Variants in RFTN2 observed in about 807,000 individuals in gnomAD.
RFTN2 encodes the protein raftlin family member 2, also known as raftlin-2.
A neutral mutation model predicts 52.7 loss-of-function variants in RFTN2; 34 were observed. The ratio of observed to expected loss-of-function variants is 0.64; its 90% confidence interval spans 0.49 to 0.86. RFTN2 has a LOEUF of 0.86. RFTN2 is among the 40% of genes least tolerant of loss of function. The pLI, the probability that RFTN2 is intolerant of heterozygous loss-of-function variation, is 0.00. For synonymous variants in RFTN2, 203 were observed against 217.7 expected, an observed-to-expected ratio of 0.93 and a Z score of 0.59; for missense variants, 536 against 600.1, an observed-to-expected ratio of 0.89 and a Z score of 1.12.
intron 8 of RFTN2, among the ~76,000 whole-genome samples, chr2:197,582,717 T>C (rs1328024923): frequency 6.6e-6 from 1 of 152,216 alleles, no homozygotes; most frequent in Non-Finnish European, 1.5e-5. Flanking sequence ...GTTTCTTCAC[T>C]ACACAATGGT....
intron 8 of RFTN2, among the ~76,000 whole-genome samples, chr2:197,581,579 T>C (rs1208043534): frequency 6.6e-6 from 1 of 152,190 alleles, no homozygotes; most frequent in African/African-American, 2.4e-5. Context: ...CCTTCTACTT[T>C]GTAGCCCCTC....
At chr2:197,644,104 A>T in intron 3 of RFTN2, 54 bp downstream of exon 3, 1 of 1,004,784 alleles carries the variant, frequency 1.0e-6, no homozygotes, top group Non-Finnish European at 1.6e-6. Flanking sequence ...ATTGATGAAG[A>T]TGAAATACCA....
At chr2:197,609,367 A>T (rs1181230621) in intron 7 of RFTN2, among the ~76,000 whole-genome samples, 1 of 152,134 alleles carries the variant, frequency 6.6e-6, no homozygotes, top group African/African-American at 2.4e-5. Context: ...TTTGATTTGC[A>T]TTTCTATAAT....
At chr2:197,573,369 C>T (rs1329988094) in intron 8 of RFTN2, among the ~76,000 whole-genome samples, 1 of 152,124 alleles carries the variant, frequency 6.6e-6, no homozygotes, top group Non-Finnish European at 1.5e-5. Flanking sequence ...TATGTTTTAG[C>T]AAAGAGACTG....
intron 7 of RFTN2, among the ~76,000 whole-genome samples, chr2:197,599,724 G>A (rs1046357179): frequency 3.9e-5 from 6 of 152,184 alleles, no homozygotes; most frequent in African/African-American, 1.4e-4. Context: ...TGAAACATGT[G>A]GCACAGGGGA....
rs897968561 is a variant in RFTN2 at position 197,571,228 on chromosome 2, G to A, written c.*780C>T. On this transcript the variant is annotated 3_prime_UTR_variant, in exon 9 of 9. Transcript: ENST00000295049. ...GAAGTTGATATTTTTCCTCTTCATAGTATTTGGACTTTAAAATAAAAAAAA... is the reference window on the plus strand; with the variant it reads ...GAAGTTGATATTTTTCCTCTTCATAATATTTGGACTTTAAAATAAAAAAAA... The A allele has an allele frequency of 1.3e-4, 20 of 152,070 alleles. No individual in the cohort carries two copies. The highest frequency in any genetic ancestry group is 9.5e-4 in the East Asian group (5 of 5,242). 9.4% of individuals were successfully genotyped at this position (152,070 alleles called of 1,614,324 possible).
chr2:197,593,018 C>T (rs568453501), intron 8 of RFTN2, among the ~76,000 whole-genome samples: 13 of 152,176 alleles, frequency 8.5e-5, no homozygotes, highest in Non-Finnish European at 1.3e-4. Context: ...CAAGATCCTG[C>T]GGTTTCTTGT....
At chr2:197,580,556 T>C (rs921448955) in intron 8 of RFTN2, among the ~76,000 whole-genome samples, 13 of 152,216 alleles carry the variant, frequency 8.5e-5, no homozygotes, top group Non-Finnish European at 1.6e-4. Flanking sequence ...CTGACTGACT[T>C]CTTCCCAGAT....
chr2:197,628,306 T>C (rs1200004610), intron 5 of RFTN2, among the ~76,000 whole-genome samples: 1 of 152,084 alleles, frequency 6.6e-6, no homozygotes, highest in Non-Finnish European at 1.5e-5. Context: ...TAATGAGACA[T>C]TCCAGAGCTG....
At chr2:197,652,162 G>A (rs1337588406) in intron 1 of RFTN2, among the ~76,000 whole-genome samples, 1 of 152,186 alleles carries the variant, frequency 6.6e-6, no homozygotes, top group Non-Finnish European at 1.5e-5. Flanking sequence ...GTTTTTCCAT[G>A]TGGCATGGCT....
intron 1 of RFTN2, among the ~76,000 whole-genome samples, chr2:197,652,871 G>A (rs930155580): frequency 3.3e-5 from 5 of 152,128 alleles, no homozygotes; most frequent in Admixed American, 3.3e-4. Context: ...TTCACTGAAG[G>A]GGGCAGGGGA....
intron 1 of RFTN2, among the ~76,000 whole-genome samples, chr2:197,669,172 T>G (rs996313277): frequency 6.6e-6 from 1 of 152,226 alleles, no homozygotes; most frequent in Non-Finnish European, 1.5e-5. Context: ...ATTTCATGGT[T>G]ATAGGCAGAT....
Position 197,641,657 on chromosome 2 carries a change from A to G in RFTN2, c.438+2501T>C, listed in dbSNP as rs2088676941. ...TTTAGTTTAAAATTCTGAGAAAAAT[A>G]CTTACAAACTGAATTTTAAAATTAG... On this transcript the variant is annotated intron_variant, in intron 3 of 8. Transcript: ENST00000295049. Among the ~76,000 whole-genome samples, 4 of 152,224 alleles carry G rather than the reference A, an allele frequency of 2.6e-5. No homozygotes were observed. The South Asian group carries it at 8.3e-4, about 32-fold the overall frequency.
intron 8 of RFTN2, among the ~76,000 whole-genome samples, chr2:197,573,301 G>A (rs539292485): frequency 7.9e-5 from 12 of 152,334 alleles, no homozygotes; most frequent in Admixed American, 7.8e-4. Context: ...TCCAGGTTGA[G>A]ATGATTTCAG....
chr2:197,617,507 GTC>G (rs2088164761), intron 6 of RFTN2, among the ~76,000 whole-genome samples: 1 of 151,914 alleles, frequency 6.6e-6, no homozygotes, highest in East Asian at 1.9e-4. Flanking sequence ...GCGAGACCCT[GTC>G]TCTACAAAAA....
chr2:197,587,046 T>G (rs907617269), intron 8 of RFTN2, among the ~76,000 whole-genome samples: 1 of 152,170 alleles, frequency 6.6e-6, no homozygotes, highest in African/African-American at 2.4e-5. Flanking sequence ...ATACCTGTTC[T>G]TCTCCTCTTA....
intron 7 of RFTN2, among the ~76,000 whole-genome samples, chr2:197,604,787 G>A (rs1369129822): frequency 6.6e-6 from 1 of 151,534 alleles, no homozygotes; most frequent in Non-Finnish European, 1.5e-5. Context: ...TTGAGACAGA[G>A]CCTCACTCTG....
Position 197,675,374 on chromosome 2 carries a change from C to T in RFTN2, c.85G>A (p.Glu29Lys). 1 of 1,604,378 alleles carries T rather than the reference C, an allele frequency of 6.2e-7. No individual in the cohort carries two copies. Among genetic ancestry groups the T allele is most frequent in the South Asian group, 1.1e-5 (1 of 89,768 alleles). ...TCGTAAGCAAATTCTGTCTTTGTTT[C>T]CACTTGCGGTCTCTTCAGGGTAGAA... ...IFSTLKRPQV[E>K]TKTEFAYEYV... Residue 29 changes from glutamate (E) to lysine (K), a missense_variant, in exon 1 of 9, where the codon GAA becomes AAA. Coordinates refer to ENST00000295049, the MANE Select transcript of RFTN2 (RefSeq NM_144629.3).
At chr2:197,604,136 AT>A (rs1304865679) in intron 7 of RFTN2, among the ~76,000 whole-genome samples, 1 of 152,226 alleles carries the variant, frequency 6.6e-6, no homozygotes, top group African/African-American at 2.4e-5. Context: ...GTATGATAAT[AT>A]TTTGTGTTGA....
Sources: allele counts gnomAD v4.1 joint callset (sites outside exome capture counted in the v4.1 genomes callset), GRCh38; gene constraint gnomAD v4.1.1; transcripts MANE v1.5; gene names NCBI Gene and HGNC (gene_info 2026-07-23, HGNC 2026-07-21).